The following TAB1 variants were observed in gnomAD, a reference collection of about 807,000 sequenced individuals.
The protein encoded by TAB1 is TGF-beta activated kinase 1 (MAP3K7) binding protein 1.
A neutral mutation model predicts 54.5 loss-of-function variants in TAB1; 30 were observed. That is an observed-to-expected ratio of 0.55 (90% confidence interval 0.41 to 0.75). TAB1 has a LOEUF of 0.75. TAB1 is among the 30% of genes least tolerant of loss of function. The probability of loss-of-function intolerance (pLI) is 0.00; values close to 1 mark genes in which losing one functional copy is unlikely to be tolerated. For missense variants in TAB1, 609 were observed against 683.2 expected, an observed-to-expected ratio of 0.89 and a Z score of 1.21; for synonymous variants, 289 against 286.9, an observed-to-expected ratio of 1.01 and a Z score of -0.07.
rs1927535599 is a variant in TAB1 at position 39,430,386 on chromosome 22, G to T, written c.*164G>T. On this transcript the variant is annotated 3_prime_UTR_variant, in exon 11 of 11. Transcript: ENST00000216160. The stretch of plus-strand genomic sequence containing the variant: ...CCGGGCAGTAGAGTGTGTGAGTGCA[G>T]ACTGGACCTGTGGTTCATACCTTGT... The T allele has an allele frequency of 2.1e-6, 3 of 1,456,580 alleles. No homozygotes were observed. Among genetic ancestry groups the T allele is most frequent in the South Asian group, 1.4e-5 (1 of 72,616 alleles). 90.2% of individuals were successfully genotyped at this position (1,456,580 alleles called of 1,614,324 possible). A position where few individuals can be genotyped will look rare whatever the true frequency, so the allele number is the denominator to read the frequency against.
chr22:39,421,751 T>G (rs1483667435), intron 7 of TAB1, 76 bp from the exon 8 acceptor site: 4 of 1,486,362 alleles, frequency 2.7e-6, no homozygotes, highest in Admixed American at 3.7e-5. Flanking sequence ...GGGCATAGAT[T>G]CCTCCCCTCA....
intron 8 of TAB1, 50 bp downstream of exon 8, chr22:39,422,021 A>G: frequency 6.8e-7 from 1 of 1,463,030 alleles, no homozygotes; most frequent in South Asian, 1.4e-5. Context: ...GCTGGCCTGC[A>G]TGGTGATGTG....
downstream of TAB1, chr22:39,433,868 C>T (rs549034317): frequency 1.4e-5 from 14 of 968,896 alleles, no homozygotes; most frequent in African/African-American, 1.9e-4. Flanking sequence ...AAGAGCCCTT[C>T]CCTGGCCCCC....
chr22:39,428,327 G>A (rs1927437420), intron 10 of TAB1, 144 bp downstream of exon 10: 4 of 544,106 alleles, frequency 7.4e-6, no homozygotes, highest in Middle Eastern at 5.3e-4. Flanking sequence ...TGCCTGGTGA[G>A]GGAGGTCTCC....
chr22:39,426,690 C>T lies in TAB1; in HGVS notation c.922-13C>T, dbSNP rs955698348. The T allele has an allele frequency of 3.0e-5, 48 of 1,588,668 alleles. 2 individuals are homozygous for T. The Admixed American group carries it at 4.1e-4, about 13-fold the overall frequency. ...CTCGTTCCTTACCAGGTTCTTCCTA[C>T]CCCCTCCCCCAGGAGATTGCTGCGA... On this transcript the variant is annotated splice_polypyrimidine_tract_variant and intron_variant, in intron 8 of 10. Coordinates refer to ENST00000216160, the MANE Select transcript of TAB1 (RefSeq NM_006116.3).
chr22:39,403,989 G>C (rs936417912), intron 1 of TAB1, among the ~76,000 whole-genome samples: 3 of 152,122 alleles, frequency 2.0e-5, no homozygotes, highest in Admixed American at 2.0e-4. Flanking sequence ...GGAAGCCTGG[G>C]ACCTCCTAAG....
In TAB1 at chr22:39,419,567, A is replaced by G. The variant is rs1274768755; in HGVS notation, c.713A>G (p.Glu238Gly). The change falls in exon 7 of 11, where the codon GAG (glutamate) becomes GGG (glycine). Residue 238 changes from glutamate to glycine, a missense_variant. Transcript: ENST00000216160. ...IKQVGIICGQESTRRIGDYKV... is the reference protein window; with the variant it reads ...IKQVGIICGQGSTRRIGDYKV... The stretch of plus-strand genomic sequence containing the variant: ...CAGGTGGGGATCATCTGTGGGCAGG[A>G]GAGCACCCGGCGGATCGGGGATTAC... 5.6e-6 allele frequency: 9 copies of G among 1,613,184 alleles called. No individual in the cohort carries two copies. The highest frequency in any genetic ancestry group is 6.8e-6 in the Non-Finnish European group (8 of 1,179,536).
At chr22:39,410,422 T>C (rs1200938516) in intron 1 of TAB1, among the ~76,000 whole-genome samples, 1 of 152,142 alleles carries the variant, frequency 6.6e-6, no homozygotes, top group Non-Finnish European at 1.5e-5. Context: ...GTTTTTCTTT[T>C]GGCGTTGCTT....
chr22:39,430,395 T>G lies in TAB1; in HGVS notation c.*173T>G, dbSNP rs1281203377. 2 of 1,451,018 alleles carry G rather than the reference T, an allele frequency of 1.4e-6. No homozygotes were observed. Among genetic ancestry groups the G allele is most frequent in the Admixed American group, 2.4e-5 (1 of 41,244 alleles). 89.9% of individuals were successfully genotyped at this position (1,451,018 alleles called of 1,614,324 possible). Reference sequence around the variant, plus strand: ...AGAGTGTGTGAGTGCAGACTGGACCTGTGGTTCATACCTTGTCACCACCCG... The same window carrying G: ...AGAGTGTGTGAGTGCAGACTGGACCGGTGGTTCATACCTTGTCACCACCCG... On this transcript the variant is annotated 3_prime_UTR_variant, in exon 11 of 11. Coordinates refer to ENST00000216160, the MANE Select transcript of TAB1 (RefSeq NM_006116.3).
chr22:39,402,942 GC>G (rs553943291), intron 1 of TAB1, among the ~76,000 whole-genome samples: 121 of 152,336 alleles, frequency 7.9e-4, no homozygotes, highest in African/African-American at 2.8e-3. Flanking sequence ...CTGGCTTTGG[GC>G]AAATCACTTT....
Position 39,430,163 on chromosome 22 carries a change from G to C in TAB1, c.1456G>C (p.Glu486Gln), listed in dbSNP as rs1927523200. The C allele has an allele frequency of 5.0e-6, 8 of 1,613,926 alleles. No homozygotes were observed. Among genetic ancestry groups the C allele is most frequent in the Non-Finnish European group, 6.8e-6 (8 of 1,180,038 alleles). The change falls in exon 11 of 11, where the codon GAG (glutamate) becomes CAG (glutamine). Residue 486 changes from glutamate to glutamine, a missense_variant. Glu to Gln is a conservative substitution (Grantham distance 29). Coordinates refer to ENST00000216160, the MANE Select transcript of TAB1 (RefSeq NM_006116.3). The part of the protein sequence containing the change: ...GRVEPYVDFA[E>Q]FYRLWSVDHG... Reference sequence around the variant, plus strand: ...TGTTGAGCCCTATGTGGACTTTGCTGAGTTTTACCGCCTCTGGAGCGTGGA... The same window carrying C: ...TGTTGAGCCCTATGTGGACTTTGCTCAGTTTTACCGCCTCTGGAGCGTGGA...
chr22:39,404,722 G>T (rs1419764197), intron 1 of TAB1, among the ~76,000 whole-genome samples: 4 of 152,164 alleles, frequency 2.6e-5, no homozygotes, highest in African/African-American at 7.2e-5. Flanking sequence ...GTCCATGGGG[G>T]TACCACCTAT....
chr22:39,431,837 G>A lies in TAB1; in HGVS notation c.*1615G>A. The A allele has an allele frequency of 1.0e-6, 1 of 985,438 alleles. No homozygotes were observed. Among genetic ancestry groups the A allele is most frequent in the Non-Finnish European group, 1.2e-6 (1 of 829,924 alleles). 61.0% of individuals were successfully genotyped at this position (985,438 alleles called of 1,614,324 possible). On this transcript the variant is annotated 3_prime_UTR_variant, in exon 11 of 11. Coordinates refer to ENST00000216160, the MANE Select transcript of TAB1 (RefSeq NM_006116.3). ...CTAGAAACAGGGTCACTTTTTTAAT[G>A]TAGTAAAGAAGTAATAAATGGTGGC...
chr22:39,407,867 G>A (rs1038202792), intron 1 of TAB1, among the ~76,000 whole-genome samples: 3 of 152,092 alleles, frequency 2.0e-5, no homozygotes, highest in Non-Finnish European at 2.9e-5. Flanking sequence ...TGATCTGCCC[G>A]CCTCAGCCTC....
downstream of TAB1, chr22:39,437,018 G>A (rs1487953037): frequency 6.2e-6 from 1 of 161,580 alleles, no homozygotes; most frequent in Non-Finnish European, 1.3e-5. Context: ...ATGGGGCATG[G>A]ATGCATTGTG....
intron 6 of TAB1, 83 bp downstream of exon 6, chr22:39,418,928 T>C: frequency 8.9e-7 from 1 of 1,121,074 alleles, no homozygotes. Flanking sequence ...GAGAGGCGTG[T>C]GGTAGAGGGG....
Position 39,421,953 on chromosome 22 carries a change from G to A in TAB1, c.903G>A (p.Gly301=). ...ACAAGGCCCTAGAGGCAGCCCATGG[G>A]CCTGGGCAGGCCAACCAGGTGAGTT... ...GLYKALEAAH[G]PGQANQEIAA... The change falls in exon 8 of 11, where the codon GGG becomes GGA. Residue 301 remains glycine, a synonymous_variant. Transcript: ENST00000216160. 1.3e-6 allele frequency: 2 copies of A among 1,566,848 alleles called. No individual in the cohort carries two copies. Among genetic ancestry groups the A allele is most frequent in the South Asian group, 2.4e-5 (2 of 83,648 alleles).
At chr22:39,406,619 C>A (rs1476669001) in intron 1 of TAB1, among the ~76,000 whole-genome samples, 1 of 151,670 alleles carries the variant, frequency 6.6e-6, no homozygotes, top group Non-Finnish European at 1.5e-5. Flanking sequence ...CTTACTCTTT[C>A]TTTATTTTTT....
downstream of TAB1, chr22:39,433,572 C>T (rs993752247): frequency 1.0e-5 from 10 of 985,442 alleles, no homozygotes; most frequent in East Asian, 1.1e-4. Context: ...CTGAGGGCGC[C>T]GCAGCACCCG....
Sources: allele counts gnomAD v4.1 joint callset (sites outside exome capture counted in the v4.1 genomes callset), GRCh38; gene constraint gnomAD v4.1.1; transcripts MANE v1.5; gene names NCBI Gene and HGNC (gene_info 2026-07-23, HGNC 2026-07-21).